The following RGS8 variants were observed in gnomAD, a reference collection of about 807,000 sequenced individuals.
RGS8 encodes regulator of G protein signaling 8.
In RGS8, 8 loss-of-function variants were observed where a neutral mutation model predicts 21.7. The ratio of observed to expected loss-of-function variants is 0.37; its 90% CI spans 0.22 to 0.66. The LOEUF is 0.66. RGS8 is among the 30% of genes least tolerant of loss of function. RGS8 has a pLI of 0.59. For synonymous variants in RGS8, 80 were observed against 83.6 expected (o/e 0.96, Z 0.24); for missense variants, 157 against 217.9 (o/e 0.72, Z 1.76).
At chr1:182,683,974 C>T (rs1033388570) in intron 1 of RGS8, among the ~76,000 whole-genome samples, 18 of 152,198 alleles carry the variant, frequency 1.2e-4, no homozygotes, top group African/African-American at 4.1e-4. Flanking sequence ...ACAGTGTTAT[C>T]GTCCAGATAT....
the RGS8 span, among the ~76,000 whole-genome samples, chr1:182,722,562 C>T: frequency 1.3e-5 from 2 of 152,074 alleles, no homozygotes; most frequent in Admixed American, 6.6e-5. Context: ...TCTTTCTATG[C>T]GTCTGGTGGC....
intron 5 of RGS8, among the ~76,000 whole-genome samples, chr1:182,661,765 G>T (rs2102427338): frequency 6.6e-6 from 1 of 151,026 alleles, no homozygotes; most frequent in African/African-American, 2.4e-5. Flanking sequence ...TGCTCTCTTG[G>T]GTATGAGCTG....
chr1:182,702,445 G>A, the RGS8 span, among the ~76,000 whole-genome samples: 1 of 152,150 alleles, frequency 6.6e-6, no homozygotes, highest in Non-Finnish European at 1.5e-5. Context: ...CAGTACCTGG[G>A]TGACAGGATC....
exon 6 of RGS8, chr1:182,648,265 A>G (rs1557881503): frequency 6.2e-7 from 1 of 1,613,502 alleles, no homozygotes; most frequent in Admixed American, 1.7e-5. Context: ...TCCTCACTGA[A>G]CTCCGTCTTC....
chr1:182,710,563 C>T, the RGS8 span, among the ~76,000 whole-genome samples: 1 of 152,090 alleles, frequency 6.6e-6, no homozygotes, highest in African/African-American at 2.4e-5. Context: ...AGCAAAGATC[C>T]CTCTCCCACC....
intron 5 of RGS8, among the ~76,000 whole-genome samples, chr1:182,662,004 T>G (rs1663614530): frequency 6.6e-6 from 1 of 152,174 alleles, no homozygotes; most frequent in Non-Finnish European, 1.5e-5. Context: ...TTAGTGTTTG[T>G]TTTTTTGTTT....
intron 5 of RGS8, among the ~76,000 whole-genome samples, chr1:182,659,527 T>C (rs647119): frequency 0.99 from 151,026 of 152,278 alleles, 74,894 homozygotes; most frequent in East Asian, 1. Flanking sequence ...GGTGAAACCT[T>C]GTCTCTACTA....
At chr1:182,675,447 T>A (rs1458198146), upstream of RGS8, among the ~76,000 whole-genome samples, 1 of 152,138 alleles carries the variant, frequency 6.6e-6, no homozygotes, top group African/African-American at 2.4e-5. Context: ...CCCACAAACC[T>A]TCTTGCACAC....
the RGS8 span, among the ~76,000 whole-genome samples, chr1:182,724,535 C>T: frequency 6.6e-6 from 1 of 151,702 alleles, no homozygotes; most frequent in Non-Finnish European, 1.5e-5. Flanking sequence ...AGGCTTTAGA[C>T]TAAATTTTTT....
At chr1:182,735,172 G>A in the RGS8 span, among the ~76,000 whole-genome samples, 1 of 152,162 alleles carries the variant, frequency 6.6e-6, no homozygotes, top group South Asian at 2.1e-4. Flanking sequence ...AGTCCTAAGA[G>A]CTCAAATGAA....
At chr1:182,695,541 C>T in the RGS8 span, among the ~76,000 whole-genome samples, 6 of 152,112 alleles carry the variant, frequency 3.9e-5, no homozygotes, top group South Asian at 4.1e-4. Context: ...AGGCTGGATT[C>T]GAACCCCTGG....
chr1:182,708,699 A>G, the RGS8 span, among the ~76,000 whole-genome samples: 1 of 152,234 alleles, frequency 6.6e-6, no homozygotes, highest in Non-Finnish European at 1.5e-5. Flanking sequence ...CCGGCCAAGA[A>G]CAACAGACTT....
chr1:182,675,479 C>T (rs1245204429), upstream of RGS8, among the ~76,000 whole-genome samples: 1 of 152,208 alleles, frequency 6.6e-6, no homozygotes, highest in East Asian at 1.9e-4. Context: ...CAGAGTACCA[C>T]TGAACAGATA....
chr1:182,671,160 T>C (rs1194949497), intron 2 of RGS8, among the ~76,000 whole-genome samples: 3 of 152,234 alleles, frequency 2.0e-5, no homozygotes, highest in Non-Finnish European at 4.4e-5. Flanking sequence ...TTCAGTTGCC[T>C]GTCTCTCTCC....
Position 182,671,579 on chromosome 1 carries a change from G to C in RGS8, c.-104+78C>G, listed in dbSNP as rs892252632. The C allele has an allele frequency of 7.0e-6, 9 of 1,289,686 alleles. No homozygotes were observed. The African/African-American group carries it at 7.4e-5, about 11-fold the overall frequency. 79.9% of individuals were successfully genotyped at this position (1,289,686 alleles called of 1,614,324 possible). On this transcript the variant is annotated intron_variant, in intron 2 of 6. Transcript: ENST00000483095. Reference sequence around the variant, plus strand: ...GCAATCAATATGCATGAAGAGGCAAGTTAATTAAATATGGATAATGCAATC... The same window carrying C: ...GCAATCAATATGCATGAAGAGGCAACTTAATTAAATATGGATAATGCAATC...
At chr1:182,718,789 C>CA in the RGS8 span, among the ~76,000 whole-genome samples, 1 of 151,918 alleles carries the variant, frequency 6.6e-6, no homozygotes. Context: ...CGTGCTTTAC[C>CA]AAAAAAATAA....
chr1:182,674,368 A>G (rs1664288564), upstream of RGS8, among the ~76,000 whole-genome samples: 3 of 152,254 alleles, frequency 2.0e-5, no homozygotes. Context: ...AGTAAACAAG[A>G]AAAATGTAAA....
the RGS8 span, among the ~76,000 whole-genome samples, chr1:182,691,849 C>T: frequency 1.4e-3 from 218 of 152,104 alleles, no homozygotes; most frequent in African/African-American, 5.1e-3. Flanking sequence ...AAATAAAAGG[C>T]ATCCAAATAG....
exon 6 of RGS8, chr1:182,648,143 T>C: frequency 6.2e-7 from 1 of 1,607,312 alleles, no homozygotes; most frequent in Non-Finnish European, 8.5e-7. Context: ...ACACCTCCCG[T>C]GGAGCCTGCA....
Sources: gnomAD v4.1 joint callset for allele counts (sites outside exome capture counted in the v4.1 genomes callset) on GRCh38, gnomAD v4.1.1 for gene constraint, MANE v1.5 for transcripts, NCBI Gene and HGNC (gene_info 2026-07-23, HGNC 2026-07-21) for gene names.